The following ROBO1 variants were observed in gnomAD, a reference collection of about 807,000 sequenced individuals.
The protein encoded by ROBO1 is roundabout guidance receptor 1.
ROBO1 carries 149 observed loss-of-function variants against 195.9 expected under a neutral mutation model. The ratio of observed to expected loss-of-function variants is 0.76; its 90% CI spans 0.67 to 0.87. ROBO1 has a LOEUF of 0.87. Among genes scored for constraint, ROBO1 ranks in the 40% least tolerant of loss-of-function variants. The pLI, the probability that ROBO1 is intolerant of heterozygous loss-of-function variation, is 0.00. For synonymous variants in ROBO1, 816 were observed against 733.2 expected (o/e 1.11, Z -1.82); for missense variants, 1,933 against 2,068.3 (o/e 0.93, Z 1.27).
rs187827566 is a variant in ROBO1 at position 78,633,853 on chromosome 3, C to T, written c.3481+82G>A. On this transcript the variant is annotated intron_variant, in intron 24 of 30. Transcript: ENST00000464233. ...GTGATTTAGACATGTCACCTACATACGTCAGTCCATTAGCACTCAATTTGT... is the reference window on the plus strand; with the variant it reads ...GTGATTTAGACATGTCACCTACATATGTCAGTCCATTAGCACTCAATTTGT... 70 of 835,136 alleles carry T rather than the reference C, an allele frequency of 8.4e-5. 1 individual carries two copies. Among genetic ancestry groups the T allele is most frequent in the South Asian group, 2.4e-4 (14 of 58,388 alleles). 51.7% of individuals were successfully genotyped at this position (835,136 alleles called of 1,614,324 possible). A position where few individuals can be genotyped will look rare whatever the true frequency, so the allele number is the denominator to read the frequency against.
In ROBO1 at chr3:78,685,830, G is replaced by A. The variant is rs763529544; in HGVS notation, c.1258C>T (p.Arg420Ter). The change falls in exon 10 of 31, where the codon CGA becomes TGA. Residue 420 changes from arginine to a stop codon, truncating the protein, a stop_gained. Coordinates refer to ENST00000464233, the MANE Select transcript of ROBO1 (RefSeq NM_002941.4). LOFTEE classifies it high-confidence loss of function. ...TGDLTITNVQ[R>*]SDVGYYICQT... ...CAGATGTAATAACCAACATCAGATC[G>A]CTGGACATTAGTAATTGTGAGGTCG... is the stretch of plus-strand genomic sequence containing the variant. 4.3e-6 allele frequency: 7 copies of A among 1,611,450 alleles called. No homozygotes were observed. The highest frequency in any genetic ancestry group is 2.2e-5 in the East Asian group (1 of 44,816).
At chr3:79,465,680 T>G (rs1937919075) in intron 2 of ROBO1, among the ~76,000 whole-genome samples, 1 of 152,146 alleles carries the variant, frequency 6.6e-6, no homozygotes, top group Non-Finnish European at 1.5e-5. Flanking sequence ...TAAAGTAGTT[T>G]GCCCATTGCA....
intron 1 of ROBO1, among the ~76,000 whole-genome samples, chr3:79,660,096 G>A (rs2106818693): frequency 6.6e-6 from 1 of 151,976 alleles, no homozygotes; most frequent in East Asian, 2.0e-4. Context: ...TAGGCTCATG[G>A]TTTCAGGTTT....
In ROBO1 at chr3:78,888,734, C is replaced by A. The variant is rs182972189; in HGVS notation, c.499+49867G>T. ...AGATCAAGTTTGCAGTGGTATACTG[C>A]ATGATGAGAAATGAGTCCTGGCTCT... On this transcript the variant is annotated intron_variant, in intron 4 of 30. Coordinates refer to ENST00000464233, the MANE Select transcript of ROBO1 (RefSeq NM_002941.4). 1.3e-3 allele frequency among the ~76,000 whole-genome samples: 199 copies of A among 152,200 alleles called. 1 individual carries two copies. The highest frequency in any genetic ancestry group is 6.4e-3 in the South Asian group (31 of 4,826).
chr3:78,946,466 A>G (rs1183277203), intron 3 of ROBO1, among the ~76,000 whole-genome samples: 1 of 152,220 alleles, frequency 6.6e-6, no homozygotes, highest in Admixed American at 6.5e-5. Context: ...ACAGACAAGC[A>G]AATGCTGAGA....
At chr3:78,755,892 CTTGA>C (rs2082917455) in intron 4 of ROBO1, among the ~76,000 whole-genome samples, 1 of 152,052 alleles carries the variant, frequency 6.6e-6, no homozygotes, top group Non-Finnish European at 1.5e-5. Flanking sequence ...AAATTCAGCC[CTTGA>C]TTTTGAGCTA....
At chr3:79,004,499 T>C (rs1473856911) in intron 3 of ROBO1, among the ~76,000 whole-genome samples, 1 of 152,162 alleles carries the variant, frequency 6.6e-6, no homozygotes, top group Non-Finnish European at 1.5e-5. Context: ...GGCATGACTG[T>C]GGGCAAAGAC....
rs550747746 is a variant in ROBO1 at position 79,622,240 on chromosome 3, G to A, written c.-50-32279C>T. The stretch of plus-strand genomic sequence containing the variant: ...CCACTCATGAACCCACTCCACCAGA[G>A]CCTAGTGTCCCAACCCTGGAACGCA... On this transcript the variant is annotated intron_variant, in intron 1 of 30. Transcript: ENST00000464233. Among the ~76,000 whole-genome samples, 59 of 152,304 alleles carry A rather than the reference G, an allele frequency of 3.9e-4. No individual in the cohort carries two copies. In the South Asian group the frequency reaches 0.012, roughly 31 times the overall value.
intron 2 of ROBO1, among the ~76,000 whole-genome samples, chr3:79,439,210 G>A (rs4317060): frequency 0.53 from 79,775 of 151,728 alleles, 21,030 homozygotes; most frequent in East Asian, 0.62. Flanking sequence ...TAAAGGTATA[G>A]TTCTGTTTAC....
intron 28 of ROBO1, among the ~76,000 whole-genome samples, chr3:78,612,380 T>C (rs1251747197): frequency 6.6e-6 from 1 of 152,202 alleles, no homozygotes. Context: ...TTCTCTTTTT[T>C]AATAAATTGT....
At chr3:78,695,421 C>A (rs950791768) in intron 8 of ROBO1, among the ~76,000 whole-genome samples, 1 of 151,836 alleles carries the variant, frequency 6.6e-6, no homozygotes, top group Admixed American at 6.6e-5. Flanking sequence ...GTCAGGAGAT[C>A]GAGACCATCC....
chr3:79,102,456 A>G (rs2079696166), intron 3 of ROBO1, among the ~76,000 whole-genome samples: 1 of 151,806 alleles, frequency 6.6e-6, no homozygotes, highest in African/African-American at 2.4e-5. Context: ...AATTGCAGCC[A>G]TAAAACACAT....
At chr3:79,689,182 T>A (rs1284760731) in intron 1 of ROBO1, among the ~76,000 whole-genome samples, 4 of 151,994 alleles carry the variant, frequency 2.6e-5, no homozygotes, top group Non-Finnish European at 5.9e-5. Flanking sequence ...ATACAGGATA[T>A]CAAACCTTTG....
chr3:79,184,145 A>G (rs1455323549), intron 2 of ROBO1, among the ~76,000 whole-genome samples: 1 of 152,228 alleles, frequency 6.6e-6, no homozygotes, highest in Non-Finnish European at 1.5e-5. Flanking sequence ...AAGTATCGGC[A>G]GGATGCAGTG....
At chr3:79,289,694 C>A (rs1282945823) in intron 2 of ROBO1, among the ~76,000 whole-genome samples, 2 of 152,058 alleles carry the variant, frequency 1.3e-5, no homozygotes, top group African/African-American at 4.8e-5. Flanking sequence ...TTATGAAATA[C>A]AAAAATAATA....
intron 10 of ROBO1, among the ~76,000 whole-genome samples, chr3:78,672,667 T>G (rs1708133723): frequency 6.7e-6 from 1 of 149,232 alleles, no homozygotes; most frequent in African/African-American, 2.5e-5. Context: ...GGTAGAGAAA[T>G]GAAAGTTTTT....
chr3:79,757,181 A>G (rs1023145410), intron 1 of ROBO1, among the ~76,000 whole-genome samples: 2 of 152,218 alleles, frequency 1.3e-5, no homozygotes, highest in Non-Finnish European at 2.9e-5. Context: ...TGTACCCAGA[A>G]GTAGAATTGC....
chr3:79,549,591 CTATTA>C (rs1356774747), intron 2 of ROBO1, among the ~76,000 whole-genome samples: 1 of 152,062 alleles, frequency 6.6e-6, no homozygotes, highest in East Asian at 1.9e-4. Flanking sequence ...CATAGCATTT[CTATTA>C]TATTAGGTAT....
intron 2 of ROBO1, among the ~76,000 whole-genome samples, chr3:79,437,473 A>T (rs2038924893): frequency 6.6e-6 from 1 of 151,970 alleles, no homozygotes; most frequent in Admixed American, 6.6e-5. Context: ...ATATTAAGAA[A>T]GTATATTGGC....
Sources: allele counts gnomAD v4.1 joint callset (sites outside exome capture counted in the v4.1 genomes callset), GRCh38; gene constraint gnomAD v4.1.1; transcripts MANE v1.5; gene names NCBI Gene and HGNC (gene_info 2026-07-23, HGNC 2026-07-21).